PRDM15: variants seen among roughly 807,000 people sequenced by gnomAD.
PRDM15 encodes the protein PR/SET domain 15.
PRDM15 carries 64 observed loss-of-function variants against 128.6 expected under a neutral mutation model. The observed-to-expected ratio is 0.50, with a 90% confidence interval of 0.41 to 0.61. PRDM15 has a LOEUF of 0.61. PRDM15 is among the 20% of genes least tolerant of loss of function. The probability of loss-of-function intolerance (pLI) is 0.00; values close to 1 mark genes in which losing one functional copy is unlikely to be tolerated. For missense variants in PRDM15, 1,242 were observed against 1,569.1 expected (o/e 0.79, Z 3.52); for synonymous variants, 615 against 621.8 (o/e 0.99, Z 0.16).
Position 41,819,619 on chromosome 21 carries a change from G to A in PRDM15, c.2223C>T (p.Asp741=), listed in dbSNP as rs1016687474. 4 of 1,612,338 alleles carry A rather than the reference G, an allele frequency of 2.5e-6. No individual in the cohort carries two copies. The highest frequency in any genetic ancestry group is 3.4e-6 in the Non-Finnish European group (4 of 1,179,608). ...CGGCACACAGGTACTCGCGGACATT[G>A]TCGTGCACACGCATGTGCTCCTTCA... ...DMLKEHMRVH[D]NVREYLCAEC... The change falls in exon 18 of 24, where the codon GAC becomes GAT. Residue 741 remains aspartate, a synonymous_variant. Coordinates refer to ENST00000398548, the MANE Select transcript of PRDM15 (RefSeq NM_001040424.3).
chr21:41,801,305 GGGGTGCCTGCGGCTGCGA>G lies in PRDM15; in HGVS notation c.3343_3360del (p.Ser1115_Pro1120del), dbSNP rs772462348. Reference sequence around the variant, plus strand: ...ACCTGGGGCTGGGCCGCCTGCTGTGGGGGTGCCTGCGGCTGCGAGGGTGGCAAGACGTCAGTCTGGGGC... The same window carrying G: ...ACCTGGGGCTGGGCCGCCTGCTGTGGGGGTGGCAAGACGTCAGTCTGGGGC... On this transcript the variant is annotated inframe_deletion, in exon 24 of 24. Transcript: ENST00000398548. The G allele has an allele frequency of 7.6e-6, 12 of 1,570,880 alleles. No individual in the cohort carries two copies. The African/African-American group carries it at 1.6e-4, about 21-fold the overall frequency.
chr21:41,833,320 C>A (rs558866104), intron 11 of PRDM15, among the ~76,000 whole-genome samples: 2 of 152,258 alleles, frequency 1.3e-5, no homozygotes, highest in East Asian at 3.9e-4. Flanking sequence ...TTTAAAACTG[C>A]CCCCCACACC....
chr21:41,867,431 G>T, intron 1 of PRDM15: 1 of 1,306,532 alleles, frequency 7.7e-7, no homozygotes, highest in Non-Finnish European at 1.1e-6. Flanking sequence ...CAGCAGAACA[G>T]GTGAAACATA....
intron 9 of PRDM15, 93 bp from the exon 10 acceptor site, chr21:41,836,300 G>A (rs990929606): frequency 3.0e-5 from 40 of 1,338,882 alleles, no homozygotes; most frequent in East Asian, 6.9e-5. Context: ...AAGCCGCCTC[G>A]CTCCCACCAT....
intron 1 of PRDM15, 48 bp from the exon 2 acceptor site, chr21:41,860,420 T>C (rs1183271274): frequency 2.6e-6 from 4 of 1,555,338 alleles, no homozygotes; most frequent in African/African-American, 1.4e-5. Flanking sequence ...CTTACCAAAA[T>C]ACTTTTGTTT....
chr21:41,876,028 G>C (rs1348805878), intron 1 of PRDM15, among the ~76,000 whole-genome samples: 1 of 152,162 alleles, frequency 6.6e-6, no homozygotes, highest in Non-Finnish European at 1.5e-5. Context: ...ACGGAATACT[G>C]TAGGTACCTG....
intron 6 of PRDM15, among the ~76,000 whole-genome samples, chr21:41,841,877 A>G (rs1215919594): frequency 1.3e-5 from 2 of 152,218 alleles, no homozygotes; most frequent in Non-Finnish European, 2.9e-5. Context: ...TAGATCTGCC[A>G]ATTTTTGCTT....
intron 18 of PRDM15, among the ~76,000 whole-genome samples, chr21:41,816,203 G>T (rs537636456): frequency 6.6e-6 from 1 of 152,360 alleles, no homozygotes; most frequent in East Asian, 1.9e-4. Context: ...CTTCAACCTT[G>T]ACAATATGAG....
rs569375051 is a variant in PRDM15 at position 41,831,378 on chromosome 21, C to G, written c.1367-3045G>C. On this transcript the variant is annotated intron_variant, in intron 11 of 23. Transcript: ENST00000398548. ...CCACCCAGTAGGTGCCAGGAGCACC[C>G]CTCCCCACCAAGGTGTCTGCAGACA... is the stretch of plus-strand genomic sequence containing the variant. 2.1e-4 allele frequency among the ~76,000 whole-genome samples: 32 copies of G among 152,354 alleles called. 1 individual carries two copies. In the South Asian group the frequency reaches 6.4e-3, roughly 31 times the overall value.
chr21:41,870,631 G>A (rs1040442203), intron 1 of PRDM15: 7 of 152,184 alleles, frequency 4.6e-5, no homozygotes, highest in South Asian at 2.1e-4. Context: ...CTGGAGTCAC[G>A]ACACACACAG....
intron 11 of PRDM15, among the ~76,000 whole-genome samples, chr21:41,830,610 A>T (rs965021178): frequency 4.0e-4 from 61 of 151,768 alleles, no homozygotes; most frequent in African/African-American, 1.4e-3. Flanking sequence ...CACACCACAT[A>T]CACACAAACA....
At chr21:41,847,837 T>A (rs2063315190) in intron 5 of PRDM15, among the ~76,000 whole-genome samples, 1 of 152,238 alleles carries the variant, frequency 6.6e-6, no homozygotes, top group African/African-American at 2.4e-5. Flanking sequence ...CCTCTATCCC[T>A]CAGTCCATGC....
At chr21:41,820,561 G>A (rs921192139) in intron 16 of PRDM15, among the ~76,000 whole-genome samples, 64 of 152,208 alleles carry the variant, frequency 4.2e-4, no homozygotes, top group African/African-American at 1.5e-3. Flanking sequence ...GGGCCAAGGA[G>A]AGAAGTGTCA....
At chr21:41,825,898 T>C in intron 13 of PRDM15, 62 bp downstream of exon 13, 1 of 1,266,786 alleles carries the variant, frequency 7.9e-7, no homozygotes, top group Non-Finnish European at 1.2e-6. Flanking sequence ...GCTCATAGAG[T>C]CTTAACTGAA....
At chr21:41,855,121 C>G (rs1286722726) in intron 4 of PRDM15, among the ~76,000 whole-genome samples, 1 of 152,160 alleles carries the variant, frequency 6.6e-6, no homozygotes, top group African/African-American at 2.4e-5. Flanking sequence ...AAGTTCTAAT[C>G]AGGTTCTAGT....
At chr21:41,878,574 C>G in intron 1 of PRDM15, 1 of 491,064 alleles carries the variant, frequency 2.0e-6, no homozygotes, top group Non-Finnish European at 3.4e-6. Context: ...CACGCCCCGT[C>G]CCCGAACGGC....
At position 41,828,930 on chromosome 21, in the gene PRDM15, C is replaced by A. The variant is rs1432168655; in HGVS notation, c.1367-597G>T. 6.7e-6 allele frequency among the ~76,000 whole-genome samples: 1 copy of A among 149,278 alleles called. No homozygotes were observed. The highest frequency in any genetic ancestry group is 1.5e-5 in the Non-Finnish European group (1 of 67,570). ...CAAATACAAACACACTCAACACACA[C>A]CCCCCACACAAATACACAATCACAC... On this transcript the variant is annotated intron_variant, in intron 11 of 23. Coordinates refer to ENST00000398548, the MANE Select transcript of PRDM15 (RefSeq NM_001040424.3). The surrounding 1 kb of genome is among the most constrained non-coding windows in gnomAD (Gnocchi z 5.7).
intron 1 of PRDM15, among the ~76,000 whole-genome samples, chr21:41,876,047 T>C (rs1228050336): frequency 1.3e-5 from 2 of 152,122 alleles, no homozygotes; most frequent in Non-Finnish European, 1.5e-5. Flanking sequence ...TGTAACACAA[T>C]AGTAAGTATT....
chr21:41,867,314 A>G (rs149485757), intron 1 of PRDM15: 15 of 1,613,536 alleles, frequency 9.3e-6, no homozygotes, highest in East Asian at 2.2e-5. Context: ...TCCGTTCGCA[A>G]TCTTCCCCAG....
Sources: gnomAD v4.1 joint callset for allele counts (sites outside exome capture counted in the v4.1 genomes callset) on GRCh38, gnomAD v4.1.1 for gene constraint, Gnocchi (gnomAD v3.1) non-coding constraint, MANE v1.5 for transcripts, NCBI Gene and HGNC (gene_info 2026-07-23, HGNC 2026-07-21) for gene names.